Variants in RAB8B observed in about 807,000 individuals in gnomAD.
RAB8B encodes ras-related protein Rab-8B.
In RAB8B, 11 loss-of-function variants were observed where a neutral mutation model predicts 32.0. The ratio of observed to expected loss-of-function variants is 0.34; its 90% CI spans 0.22 to 0.57. The LOEUF (loss-of-function observed/expected upper bound fraction) is 0.57. Among genes scored for constraint, RAB8B ranks in the 20% least tolerant of loss-of-function variants. The pLI is 0.86. For synonymous variants in RAB8B, 103 were observed against 89.6 expected (o/e 1.15, Z -0.85); for missense variants, 190 against 258.5 (o/e 0.73, Z 1.82).
chr15:63,235,551 A>G (rs959469780), intron 1 of RAB8B, among the ~76,000 whole-genome samples: 2 of 151,096 alleles, frequency 1.3e-5, no homozygotes, highest in African/African-American at 4.9e-5. Flanking sequence ...AAAGTCCCCT[A>G]TGAATCCCTC....
In RAB8B at chr15:63,263,943, AC is replaced by A. The variant is rs2038222229; in HGVS notation, c.*325del. 1 of 209,944 alleles carries A rather than the reference AC, an allele frequency of 4.8e-6. No homozygotes were observed. 13.0% of individuals were successfully genotyped at this position (209,944 alleles called of 1,614,324 possible). A position where few individuals can be genotyped will look rare whatever the true frequency, so the allele number is the denominator to read the frequency against. On this transcript the variant is annotated 3_prime_UTR_variant, in exon 8 of 8. Transcript: ENST00000321437. ...AGTGTTAGCCTTTCCCTATTTCAGC[AC>A]AATCTTAGACTCATATTTGCACACT...
chr15:63,213,431 T>C (rs1368692666), intron 1 of RAB8B, among the ~76,000 whole-genome samples: 2 of 152,216 alleles, frequency 1.3e-5, no homozygotes, highest in East Asian at 3.8e-4. Context: ...CTGTACTGGA[T>C]AAAGAATTTC....
chr15:63,244,305 T>A (rs1028464628), intron 1 of RAB8B, among the ~76,000 whole-genome samples: 2 of 152,024 alleles, frequency 1.3e-5, no homozygotes, highest in East Asian at 1.9e-4. Context: ...AATAGGCAAA[T>A]TTTTTTTCCT....
intron 1 of RAB8B, among the ~76,000 whole-genome samples, chr15:63,220,179 A>G (rs751224308): frequency 2.4e-4 from 37 of 152,246 alleles, no homozygotes; most frequent in Admixed American, 5.2e-4. Context: ...AATCACCCGA[A>G]CCCCTAAACC....
At chr15:63,249,576 C>A in intron 2 of RAB8B, 69 bp from the exon 3 acceptor site, 3 of 1,423,296 alleles carry the variant, frequency 2.1e-6, no homozygotes, top group Non-Finnish European at 3.0e-6. Flanking sequence ...ACATCTCCTA[C>A]AGCAGGGTTT....
rs146981058 is a variant in RAB8B at position 63,202,089 on chromosome 15, TAA to T, written c.124+12370_124+12371del. ...TAACACGGTGAAACCCCGTCTCTAC[TAA>T]AAAAAAAAAAAAAAAAAAAAAAAAA... On this transcript the variant is annotated intron_variant, in intron 1 of 7. Transcript: ENST00000321437. Among the ~76,000 whole-genome samples the T allele has an allele frequency of 6.5e-3, 555 of 85,682 alleles. 2 individuals carry two copies. The highest frequency in any genetic ancestry group is 0.025 in the African/African-American group (527 of 21,462). 56.2% of individuals were successfully genotyped at this position (85,682 alleles called of 152,430 possible).
In RAB8B at chr15:63,259,189, G is replaced by A. The variant is rs1367466444; in HGVS notation, c.415-438G>A. Among the ~76,000 whole-genome samples, 5 of 151,976 alleles carry A rather than the reference G, an allele frequency of 3.3e-5. No individual in the cohort carries two copies. Among genetic ancestry groups the A allele is most frequent in the South Asian group, 2.1e-4 (1 of 4,824 alleles). ...GACTGGAGTGCAGTGGTGCGATCTC[G>A]GCTTACTCCAACCTCTGCCTCCTGG... On this transcript the variant is annotated intron_variant, in intron 5 of 7. Coordinates refer to ENST00000321437, the MANE Select transcript of RAB8B (RefSeq NM_016530.3). The surrounding 1 kb of genome is among the most constrained non-coding windows in gnomAD (Gnocchi z 4.4).
intron 1 of RAB8B, among the ~76,000 whole-genome samples, chr15:63,219,924 C>G (rs2037829810): frequency 6.6e-6 from 1 of 152,174 alleles, no homozygotes; most frequent in African/African-American, 2.4e-5. Flanking sequence ...TACATGGACT[C>G]TGGAAGCCAT....
chr15:63,227,240 A>C (rs1400111734), intron 1 of RAB8B, among the ~76,000 whole-genome samples: 1 of 152,124 alleles, frequency 6.6e-6, no homozygotes, highest in Non-Finnish European at 1.5e-5. Context: ...TCTGGTTCAC[A>C]CGCCTCTGAC....
chr15:63,238,666 G>A (rs373857095), intron 1 of RAB8B, among the ~76,000 whole-genome samples: 1 of 151,960 alleles, frequency 6.6e-6, no homozygotes, highest in Non-Finnish European at 1.5e-5. Context: ...ATATATAATA[G>A]GTATATAATA....
At chr15:63,228,668 C>T (rs1313130056) in intron 1 of RAB8B, among the ~76,000 whole-genome samples, 1 of 152,154 alleles carries the variant, frequency 6.6e-6, no homozygotes, top group East Asian at 1.9e-4. Context: ...ATTGCAGTCC[C>T]CAATTCACAC....
At position 63,227,533 on chromosome 15, in the gene RAB8B, T is replaced by C. The variant is rs2037899191; in HGVS notation, c.125-17223T>C. On this transcript the variant is annotated intron_variant, in intron 1 of 7. Transcript: ENST00000321437. ...ACATTGTAAAATACTAACTTTTCAA[T>C]TGCAGAGGTTAATTTACAAGTTGAT... Among the ~76,000 whole-genome samples the C allele has an allele frequency of 2.6e-5, 4 of 152,250 alleles. 1 individual carries two copies. Among genetic ancestry groups the C allele is most frequent in the African/African-American group, 4.8e-5 (2 of 41,456 alleles).
In RAB8B at chr15:63,206,286, A is replaced by G. The variant is rs114971386; in HGVS notation, c.124+16538A>G. ...TCATTTATGCCGCACATAAATATGT[A>G]CAGTTCCTGGGGCAGAGAAGGCCCT... On this transcript the variant is annotated intron_variant, in intron 1 of 7. Transcript: ENST00000321437. Among the ~76,000 whole-genome samples, 1,089 of 152,252 alleles carry G rather than the reference A, an allele frequency of 7.2e-3. 10 individuals carry two copies. The highest frequency in any genetic ancestry group is 0.024 in the African/African-American group (1,011 of 41,536).
intron 6 of RAB8B, among the ~76,000 whole-genome samples, chr15:63,261,860 A>T (rs2038205608): frequency 6.6e-6 from 1 of 152,246 alleles, no homozygotes; most frequent in South Asian, 2.1e-4. Flanking sequence ...GGCTTCATAG[A>T]AAAAGTGATG....
intron 1 of RAB8B, among the ~76,000 whole-genome samples, chr15:63,231,338 T>C (rs1240469956): frequency 2.6e-5 from 4 of 152,226 alleles, no homozygotes; most frequent in African/African-American, 7.2e-5. Flanking sequence ...ACATGGTCAA[T>C]ACTTGGAAAG....
chr15:63,257,509 C>T (rs2038167318), intron 5 of RAB8B, among the ~76,000 whole-genome samples: 1 of 152,076 alleles, frequency 6.6e-6, no homozygotes, highest in Admixed American at 6.5e-5. Flanking sequence ...TCAAGCAATC[C>T]ACCTGCCTCG....
chr15:63,226,500 T>A (rs1770657906), intron 1 of RAB8B, among the ~76,000 whole-genome samples: 2 of 152,182 alleles, frequency 1.3e-5, no homozygotes, highest in South Asian at 4.1e-4. Flanking sequence ...TAAATATCAG[T>A]TTTTCAGAAT....
chr15:63,219,155 CG>C (rs2037820644), intron 1 of RAB8B, among the ~76,000 whole-genome samples: 1 of 151,342 alleles, frequency 6.6e-6, no homozygotes, highest in Non-Finnish European at 1.5e-5. Context: ...AAAATTTAGC[CG>C]GGGTGGTGGC....
At chr15:63,204,061 G>A (rs1458808874) in intron 1 of RAB8B, among the ~76,000 whole-genome samples, 7 of 152,046 alleles carry the variant, frequency 4.6e-5, no homozygotes, top group Non-Finnish European at 1.0e-4. Flanking sequence ...CTATCACGCA[G>A]TCAGGCTCAG....
Sources: gnomAD v4.1 joint callset for allele counts (sites outside exome capture counted in the v4.1 genomes callset) on GRCh38, gnomAD v4.1.1 for gene constraint, Gnocchi (gnomAD v3.1) non-coding constraint, MANE v1.5 for transcripts, NCBI Gene and HGNC (gene_info 2026-07-23, HGNC 2026-07-21) for gene names.